Variants in C15orf39 observed in about 807,000 individuals in gnomAD.
C15orf39 encodes the protein uncharacterized protein C15orf39.
C15orf39 carries 24 observed loss-of-function variants against 53.9 expected under a neutral mutation model. That is an observed-to-expected ratio of 0.45 (90% CI 0.32 to 0.63). The LOEUF (loss-of-function observed/expected upper bound fraction) is 0.63. C15orf39 is among the 20% of genes least tolerant of loss of function. C15orf39 has a pLI of 0.04. For missense variants in C15orf39, 1,271 were observed against 1,347.9 expected (o/e 0.94, Z 0.89); for synonymous variants, 569 against 576.5 (o/e 0.99, Z 0.19).
chr15:75,207,064 GGCTGGAC>G lies in C15orf39; in HGVS notation c.1020_1026del (p.Asp341ThrfsTer34). 1 of 1,610,662 alleles carries G rather than the reference GGCTGGAC, an allele frequency of 6.2e-7. No homozygotes were observed. The highest frequency in any genetic ancestry group is 8.5e-7 in the Non-Finnish European group (1 of 1,178,632). ...CAGGCACCTTACATTCCCCCACTGG[GGCTGGAC>G]GCTTACCCCTACCCCTCTGCCCCTC... On this transcript the variant is annotated frameshift_variant, in exon 2 of 3. Coordinates refer to ENST00000394987, the MANE Select transcript of C15orf39 (RefSeq NM_015492.5). LOFTEE classifies it high-confidence loss of function.
intron 1 of C15orf39, among the ~76,000 whole-genome samples, chr15:75,205,427 T>G (rs1361986860): frequency 6.6e-6 from 1 of 152,044 alleles, no homozygotes; most frequent in Non-Finnish European, 1.5e-5. Context: ...TTGGGAGTTG[T>G]ATGGAGGAAA....
At chr15:75,201,250 C>T (rs1366711825), upstream of C15orf39, among the ~76,000 whole-genome samples, 2 of 152,184 alleles carry the variant, frequency 1.3e-5, no homozygotes, top group Admixed American at 6.5e-5. The surrounding 1 kb of genome is among the most constrained non-coding windows in gnomAD (Gnocchi z 4.7). Context: ...TCACAGGCTG[C>T]GCGCCGGTCT....
At position 75,207,805 on chromosome 15, in the gene C15orf39, C is replaced by T. The variant is rs775231535; in HGVS notation, c.1757C>T (p.Ser586Phe). 3.1e-6 allele frequency: 5 copies of T among 1,612,252 alleles called. No homozygotes were observed. The highest frequency in any genetic ancestry group is 4.5e-5 in the East Asian group (2 of 44,850). ...LSVRKPTAEA[S>F]PVKASRSVEH... is the part of the protein sequence containing the mutation. ...GTGAGGAAGCCCACAGCAGAGGCCT[C>T]CCCTGTCAAGGCTTCCCGTTCTGTG... The change falls in exon 2 of 3, where the codon TCC becomes TTC. Residue 586 changes from serine to phenylalanine, a missense_variant. Transcript: ENST00000394987.
At position 75,207,165 on chromosome 15, in the gene C15orf39, C is replaced by T. The variant is rs1420878704; in HGVS notation, c.1117C>T (p.Pro373Ser). The T allele has an allele frequency of 2.5e-6, 4 of 1,613,806 alleles. No homozygotes were observed. In the Admixed American group the frequency reaches 5.0e-5, roughly 20 times the overall value. Residue 373 changes from proline (P) to serine (S), a missense_variant, in exon 2 of 3, where the codon CCC becomes TCC. By Grantham distance (74) the Pro-to-Ser change is moderately conservative. Transcript: ENST00000394987. ...LTPRCPLDFA[P>S]QTLSFPYARD... is the part of the protein sequence containing the mutation. ...TCCACGGTGCCCATTGGACTTTGCC[C>T]CCCAGACACTGAGTTTTCCTTATGC...
upstream of C15orf39, chr15:75,199,136 C>T (rs1463433278): frequency 1.3e-5 from 2 of 152,250 alleles, no homozygotes; most frequent in Non-Finnish European, 2.9e-5. Context: ...GAGCTGACAG[C>T]TAAGGGGCTT....
chr15:75,208,415 G>A lies in C15orf39; in HGVS notation c.2367G>A (p.Lys789=), dbSNP rs1416393889. 2.5e-6 allele frequency: 4 copies of A among 1,607,148 alleles called. No individual in the cohort carries two copies. Among genetic ancestry groups the A allele is most frequent in the South Asian group, 1.1e-5 (1 of 90,202 alleles). The change falls in exon 2 of 3, where the codon AAG becomes AAA. Residue 789 remains lysine (K), a synonymous_variant. Coordinates refer to ENST00000394987, the MANE Select transcript of C15orf39 (RefSeq NM_015492.5). The part of the protein sequence containing the change: ...SGSVAHSPPE[K]LREWLETAGP... ...CCGTCGCCCACTCTCCTCCAGAGAA[G>A]CTTCGCGAGTGGCTAGAGACGGCTG...
chr15:75,209,925 G>A (rs377198963), intron 2 of C15orf39, among the ~76,000 whole-genome samples: 21 of 152,290 alleles, frequency 1.4e-4, no homozygotes, highest in African/African-American at 5.1e-4. Flanking sequence ...TGGAGCAGAT[G>A]CCTTAATGGG....
At chr15:75,200,152 G>T (rs1187930905), upstream of C15orf39, among the ~76,000 whole-genome samples, 2 of 152,222 alleles carry the variant, frequency 1.3e-5, no homozygotes, top group Non-Finnish European at 2.9e-5. Flanking sequence ...GGCTCAGAAA[G>T]TTACAAAGTA....
chr15:75,201,716 G>T (rs1456675826), upstream of C15orf39, among the ~76,000 whole-genome samples: 2 of 152,152 alleles, frequency 1.3e-5, no homozygotes, highest in Non-Finnish European at 2.9e-5. The surrounding 1 kb of genome is among the most constrained non-coding windows in gnomAD (Gnocchi z 4.7). Flanking sequence ...GGTTACGGGC[G>T]GTGCACAGCG....
chr15:75,199,208 C>T (rs775621243), upstream of C15orf39: 2 of 152,190 alleles, frequency 1.3e-5, no homozygotes, highest in Non-Finnish European at 2.9e-5. Flanking sequence ...ACTCCTGCTT[C>T]ACATGGTTGT....
At chr15:75,209,939 C>A (rs1411182071) in intron 2 of C15orf39, among the ~76,000 whole-genome samples, 2 of 152,168 alleles carry the variant, frequency 1.3e-5, no homozygotes, top group African/African-American at 4.8e-5. Flanking sequence ...TAATGGGATG[C>A]AAAGGAAATC....
Position 75,205,983 on chromosome 15 carries a change from T to C in C15orf39, c.-50-16T>C. On this transcript the variant is annotated splice_polypyrimidine_tract_variant and intron_variant, in intron 1 of 2. Coordinates refer to ENST00000394987, the MANE Select transcript of C15orf39 (RefSeq NM_015492.5). ...CTGTTTTCCTGACAGCCCCTGCCTT[T>C]CTCTCTCTATCCCAGGTCAGAAGTT... is the stretch of plus-strand genomic sequence containing the variant. 6.9e-7 allele frequency: 1 copy of C among 1,447,230 alleles called. No individual in the cohort carries two copies. Among genetic ancestry groups the C allele is most frequent in the East Asian group, 2.5e-5 (1 of 40,270 alleles). The allele number at this position is 1,447,230 out of a possible 1,614,324, so 89.6% of individuals were successfully genotyped here.
intron 2 of C15orf39, 24 bp downstream of exon 2, chr15:75,208,848 G>T: frequency 6.4e-7 from 1 of 1,565,028 alleles, no homozygotes. Flanking sequence ...AGCCCCAGTG[G>T]CCACCGGAGC....
intron 2 of C15orf39, 32 bp from the exon 3 acceptor site, chr15:75,210,717 G>A (rs2070476871): frequency 5.7e-6 from 9 of 1,574,780 alleles, no homozygotes; most frequent in South Asian, 3.5e-5. Flanking sequence ...AGGGTATGGG[G>A]TCTGCAGGCT....
chr15:75,206,795 T>C lies in C15orf39; in HGVS notation c.747T>C (p.Pro249=). 1 of 1,609,882 alleles carries C rather than the reference T, an allele frequency of 6.2e-7. No individual in the cohort carries two copies. Residue 249 remains proline (P), a synonymous_variant, in exon 2 of 3, where the codon CCT becomes CCC. Coordinates refer to ENST00000394987, the MANE Select transcript of C15orf39 (RefSeq NM_015492.5). Reference sequence around the variant, plus strand: ...CAATGTCTGAGGGGCCCTCAAGTCCTTGGACCCAGCTGGCCCAGCCCCTGG... The same window carrying C: ...CAATGTCTGAGGGGCCCTCAAGTCCCTGGACCCAGCTGGCCCAGCCCCTGG... ...KQAMSEGPSS[P]WTQLAQPLGP...
intron 1 of C15orf39, among the ~76,000 whole-genome samples, chr15:75,203,392 G>A (rs1017639183): frequency 1.3e-5 from 2 of 152,222 alleles, no homozygotes; most frequent in Admixed American, 6.5e-5. Flanking sequence ...TGCCCTTTCC[G>A]AGAGCTTGCT....
Position 75,209,035 on chromosome 15 carries a change from A to G in C15orf39, c.2776+211A>G, listed in dbSNP as rs535453173. On this transcript the variant is annotated intron_variant, in intron 2 of 2. Transcript: ENST00000394987. The stretch of plus-strand genomic sequence containing the variant: ...TAGCCTCTTTTGTAGGCTTCTGAAC[A>G]TGCCAGCTGCTCTGTCCCCATGGAA... 82 of 810,222 alleles carry G rather than the reference A, an allele frequency of 1.0e-4. 1 individual carries two copies. In the South Asian group the frequency reaches 1.5e-3, roughly 15 times the overall value. The allele number at this position is 810,222 out of a possible 1,614,324, so 50.2% of individuals were successfully genotyped here.
chr15:75,207,231 G>A lies in C15orf39; in HGVS notation c.1183G>A (p.Gly395Arg), dbSNP rs1251679280. Residue 395 changes from glycine to arginine, a missense_variant, in exon 2 of 3, where the codon GGA becomes AGA. Physicochemically the swap from Gly to Arg is moderately radical, Grantham distance 125 (BLOSUM62 -2). Around this residue, in one of 2 missense-constraint regions of C15orf39, gnomAD observed 994 missense variants for 993.7 expected, o/e 1.00. Transcript: ENST00000394987. The part of the protein sequence containing the change: ...LSLYGASPGL[G>R]GTPPSQNNVR... ...TCTCTATGGAGCATCCCCTGGGCTTGGAGGGACACCACCTTCCCAGAACAA... is the reference window on the plus strand; with the variant it reads ...TCTCTATGGAGCATCCCCTGGGCTTAGAGGGACACCACCTTCCCAGAACAA... 13 of 1,613,604 alleles carry A rather than the reference G, an allele frequency of 8.1e-6. No individual in the cohort carries two copies. In the South Asian group the frequency reaches 1.3e-4, roughly 16 times the overall value.
Position 75,201,899 on chromosome 15 carries a change from G to T in C15orf39, c.-211G>T, listed in dbSNP as rs888456679. ...GGGACCGCAGACGGCGCCCAGCGGC[G>T]GCGCGAACGGCAGCTAGGAGGGTTG... On this transcript the variant is annotated 5_prime_UTR_variant, in exon 1 of 3. Coordinates refer to ENST00000394987, the MANE Select transcript of C15orf39 (RefSeq NM_015492.5). The surrounding 1 kb of genome is among the most constrained non-coding windows in gnomAD (Gnocchi z 4.7). 8 of 152,022 alleles carry T rather than the reference G, an allele frequency of 5.3e-5. No individual in the cohort carries two copies. The highest frequency in any genetic ancestry group is 3.4e-3 in the Middle Eastern group (1 of 292). 9.4% of individuals were successfully genotyped at this position (152,022 alleles called of 1,614,324 possible).
Sources: allele counts gnomAD v4.1 joint callset (sites outside exome capture counted in the v4.1 genomes callset), GRCh38; gene constraint gnomAD v4.1.1; regional missense constraint gnomAD v4.1.1; non-coding constraint Gnocchi (gnomAD v3.1); transcripts MANE v1.5; gene names NCBI Gene and HGNC (gene_info 2026-07-23, HGNC 2026-07-21).